OSTC: variants seen among roughly 807,000 people sequenced by gnomAD.
OSTC encodes the protein oligosaccharyltransferase complex subunit OSTC.
A neutral mutation model predicts 16.4 loss-of-function variants in OSTC; 16 were observed. The ratio of observed to expected loss-of-function variants is 0.98; its 90% confidence interval spans 0.66 to 1.49. OSTC has a LOEUF of 1.49. Among genes scored for constraint, OSTC ranks in the 40% most tolerant of loss-of-function variants. The pLI is 0.00. For missense variants in OSTC, 139 were observed against 186.3 expected (o/e 0.75, Z 1.48); for synonymous variants, 67 against 68.5 (o/e 0.98, Z 0.11).
rs1285355254 is a variant in OSTC at position 108,650,771 on chromosome 4, T to TCA, written c.116_117insCA (p.Tyr41LeufsTer9). On this transcript the variant is annotated frameshift_variant, in exon 1 of 4. Coordinates refer to ENST00000361564, the MANE Select transcript of OSTC (RefSeq NM_021227.4). LOFTEE classifies it high-confidence loss of function. The stretch of plus-strand genomic sequence containing the variant: ...ATGACTGTGTATGCTCTGGTGGTGG[T>TCA]GTCTTACTTCCTCATCACCGGAGGT... 1 of 1,614,178 alleles carries TCA rather than the reference T, an allele frequency of 6.2e-7. No homozygotes were observed.
intron 1 of OSTC, among the ~76,000 whole-genome samples, chr4:108,654,557 G>A (rs913256264): frequency 6.6e-6 from 1 of 152,196 alleles, no homozygotes; most frequent in African/African-American, 2.4e-5. Flanking sequence ...GCAGGTACCA[G>A]GTATTTGTAG....
intron 1 of OSTC, among the ~76,000 whole-genome samples, chr4:108,654,190 A>T (rs1288982799): frequency 6.6e-6 from 1 of 152,200 alleles, no homozygotes; most frequent in East Asian, 1.9e-4. Flanking sequence ...ATCATTGGTG[A>T]CCTTAGAAAG....
intron 3 of OSTC, among the ~76,000 whole-genome samples, chr4:108,664,503 A>T (rs1447387726): frequency 1.7e-5 from 2 of 117,742 alleles, no homozygotes; most frequent in Non-Finnish European, 3.5e-5. Flanking sequence ...GTTTTAAAGT[A>T]TCCTTTTTGT....
At chr4:108,660,454 G>T (rs1264537185) in intron 3 of OSTC, among the ~76,000 whole-genome samples, 1 of 152,158 alleles carries the variant, frequency 6.6e-6, no homozygotes, top group African/African-American at 2.4e-5. Flanking sequence ...AGGCCCCAGA[G>T]GAGATGATGA....
intron 3 of OSTC, among the ~76,000 whole-genome samples, chr4:108,659,221 C>T (rs1169511339): frequency 6.7e-6 from 1 of 150,108 alleles, no homozygotes; most frequent in Non-Finnish European, 1.5e-5. Context: ...ACTTCATGAT[C>T]GACCCGCCTC....
chr4:108,659,507 G>A (rs1170328648), intron 3 of OSTC, among the ~76,000 whole-genome samples: 1 of 152,132 alleles, frequency 6.6e-6, no homozygotes, highest in Non-Finnish European at 1.5e-5. Context: ...AAAGGCTCAT[G>A]CCTGTAATCC....
intron 3 of OSTC, among the ~76,000 whole-genome samples, chr4:108,658,424 T>TG (rs1726766918): frequency 1.1e-5 from 1 of 87,114 alleles, no homozygotes; most frequent in Non-Finnish European, 2.2e-5. Flanking sequence ...TATTTATATA[T>TG]TTGTGTGTGT....
chr4:108,650,941 C>G (rs1385860376), intron 1 of OSTC, 147 bp downstream of exon 1: 7 of 1,194,112 alleles, frequency 5.9e-6, no homozygotes. Context: ...TTCTGGGGTC[C>G]GAAGTGTTAA....
At chr4:108,655,466 C>CA (rs55703323) in intron 1 of OSTC, 98 bp from the exon 2 acceptor site, 56 of 639,902 alleles carry the variant, frequency 8.8e-5, no homozygotes, top group South Asian at 2.6e-5. Flanking sequence ...GACTCTGTCT[C>CA]AAAAAAAGTA....
At position 108,650,779 on chromosome 4, in the gene OSTC, T is replaced by C; in HGVS notation, c.124T>C (p.Phe42Leu). 1.2e-6 allele frequency: 2 copies of C among 1,614,180 alleles called. No homozygotes were observed. The highest frequency in any genetic ancestry group is 1.7e-6 in the Non-Finnish European group (2 of 1,180,008). Residue 42 changes from phenylalanine to leucine, a missense_variant, in exon 1 of 4, where the codon TTC becomes CTC. Phe to Leu is a conservative substitution (Grantham distance 22). Coordinates refer to ENST00000361564, the MANE Select transcript of OSTC (RefSeq NM_021227.4). ...GTATGCTCTGGTGGTGGTGTCTTAC[T>C]TCCTCATCACCGGAGGTAACTCGGG... ...TVYALVVVSY[F>L]LITGGIIYDV...
rs368845369 is a variant in OSTC at position 108,667,294 on chromosome 4, C to T, written c.*29C>T. ...GCCTTTGAGAAGAAATCAGTGGATA[C>T]TGGATTTGCTCCTGTCAATGAAGTT... On this transcript the variant is annotated 3_prime_UTR_variant, in exon 4 of 4. Transcript: ENST00000361564. 27 of 1,596,402 alleles carry T rather than the reference C, an allele frequency of 1.7e-5. No individual in the cohort carries two copies. The African/African-American group carries it at 2.6e-4, about 15-fold the overall frequency.
At chr4:108,654,969 T>G (rs1429822368) in intron 1 of OSTC, among the ~76,000 whole-genome samples, 1 of 152,228 alleles carries the variant, frequency 6.6e-6, no homozygotes, top group Non-Finnish European at 1.5e-5. Context: ...TTAAATCCCC[T>G]TTATACTAAA....
At chr4:108,664,779 A>T (rs1468695145) in intron 3 of OSTC, among the ~76,000 whole-genome samples, 1 of 151,984 alleles carries the variant, frequency 6.6e-6, no homozygotes, top group African/African-American at 2.4e-5. Context: ...TTTTTAGTAG[A>T]GACGGGGTTT....
chr4:108,664,574 C>T (rs575629176), intron 3 of OSTC, among the ~76,000 whole-genome samples: 39 of 151,524 alleles, frequency 2.6e-4, no homozygotes, highest in Non-Finnish European at 4.6e-4. Context: ...TGTATATATC[C>T]AAAGAACCTT....
intron 2 of OSTC, 29 bp downstream of exon 2, chr4:108,655,686 T>G: frequency 6.6e-7 from 1 of 1,526,042 alleles, no homozygotes; most frequent in Non-Finnish European, 9.1e-7. Context: ...AATGATTTGG[T>G]GGTGGGAAAG....
intron 2 of OSTC, among the ~76,000 whole-genome samples, chr4:108,656,875 G>A (rs940125876): frequency 2.0e-5 from 3 of 152,062 alleles, no homozygotes; most frequent in East Asian, 1.9e-4. Context: ...CGAGATGGGC[G>A]GATCACGAGG....
chr4:108,652,829 G>A (rs1726591345), intron 1 of OSTC, among the ~76,000 whole-genome samples: 1 of 152,162 alleles, frequency 6.6e-6, no homozygotes, highest in Non-Finnish European at 1.5e-5. Flanking sequence ...TTTGAGCCCA[G>A]GAGTTCGAGG....
intron 1 of OSTC, among the ~76,000 whole-genome samples, chr4:108,652,489 A>G (rs538496933): frequency 1.3e-5 from 2 of 152,046 alleles, no homozygotes; most frequent in Non-Finnish European, 2.9e-5. Flanking sequence ...GGCCAGGTCT[A>G]TGAGGTATCT....
chr4:108,655,675 G>A lies in OSTC; in HGVS notation c.233+18G>A. 6.4e-7 allele frequency: 1 copy of A among 1,555,234 alleles called. No individual in the cohort carries two copies. The highest frequency in any genetic ancestry group is 8.9e-7 in the Non-Finnish European group (1 of 1,127,706). On this transcript the variant is annotated intron_variant, in intron 2 of 3. Transcript: ENST00000361564. The stretch of plus-strand genomic sequence containing the variant: ...GCCTACAGGTAAAAGATACCTTTTT[G>A]AATGATTTGGTGGTGGGAAAGAAGG...
Sources: gnomAD v4.1 joint callset for allele counts (sites outside exome capture counted in the v4.1 genomes callset) on GRCh38, gnomAD v4.1.1 for gene constraint, MANE v1.5 for transcripts, NCBI Gene and HGNC (gene_info 2026-07-23, HGNC 2026-07-21) for gene names.